Variants in CNOT6 observed in about 807,000 individuals in gnomAD.
The protein encoded by CNOT6 is carbon catabolite repression 4 protein.
A neutral mutation model predicts 61.2 loss-of-function variants in CNOT6; 12 were observed. The observed-to-expected ratio is 0.20, with a 90% CI of 0.13 to 0.32. CNOT6 has a LOEUF of 0.32. Among genes scored for constraint, CNOT6 ranks in the 10% least tolerant of loss-of-function variants. The pLI, the probability that CNOT6 is intolerant of heterozygous loss-of-function variation, is 1.00. For synonymous variants in CNOT6, 225 were observed against 240.6 expected, an observed-to-expected ratio of 0.94 and a Z score of 0.60; for missense variants, 405 against 663.9, an observed-to-expected ratio of 0.61 and a Z score of 4.28.
intron 4 of CNOT6, among the ~76,000 whole-genome samples, chr5:180,561,601 T>TA (rs1760191611): frequency 6.6e-6 from 1 of 152,176 alleles, no homozygotes; most frequent in Non-Finnish European, 1.5e-5. Context: ...TTAAACCCTT[T>TA]AGTTTGGTTT....
chr5:180,566,599 G>C (rs1760469560), intron 7 of CNOT6, among the ~76,000 whole-genome samples: 3 of 143,638 alleles, frequency 2.1e-5, no homozygotes, highest in Non-Finnish European at 3.0e-5. Context: ...ACAAGTCGCT[G>C]TTCCAGTTGG....
intron 1 of CNOT6, among the ~76,000 whole-genome samples, chr5:180,521,235 G>A (rs1041774528): frequency 1.1e-4 from 17 of 152,170 alleles, no homozygotes; most frequent in African/African-American, 4.1e-4. Context: ...CAGTTAAGAG[G>A]AAGAGGAAAG....
chr5:180,529,302 C>T lies in CNOT6; in HGVS notation c.26C>T (p.Pro9Leu), dbSNP rs75964385. The T allele has an allele frequency of 9.0e-4, 1,456 of 1,612,896 alleles. 26 individuals are homozygous for T. The East Asian group carries it at 0.024, about 26-fold the overall frequency. Residue 9 changes from proline (P) to leucine (L), a missense_variant, in exon 2 of 12, where the codon CCT (proline) becomes CTT (leucine). Transcript: ENST00000261951. ...ATGCCCAAAGAAAAATACGAGCCCCCTGACCCTCGGAGGATGTATACAATT... is the reference window on the plus strand; with the variant it reads ...ATGCCCAAAGAAAAATACGAGCCCCTTGACCCTCGGAGGATGTATACAATT... MPKEKYEP[P>L]DPRRMYTIMS... is the part of the protein sequence containing the mutation.
chr5:180,571,740 A>G (rs1319369278), intron 11 of CNOT6, among the ~76,000 whole-genome samples: 1 of 151,860 alleles, frequency 6.6e-6, no homozygotes, highest in Non-Finnish European at 1.5e-5. Flanking sequence ...TAATTCTTGT[A>G]TTTTTTGTAG....
At position 180,574,582 on chromosome 5, in the gene CNOT6, TCTTC is replaced by T; in HGVS notation, c.*384_*387del. 1 of 235,010 alleles carries T rather than the reference TCTTC, an allele frequency of 4.3e-6. No homozygotes were observed. Among genetic ancestry groups the T allele is most frequent in the South Asian group, 6.6e-5 (1 of 15,186 alleles). The allele number at this position is 235,010 out of a possible 1,614,324, so 14.6% of individuals were successfully genotyped here. On this transcript the variant is annotated 3_prime_UTR_variant, in exon 12 of 12. Transcript: ENST00000261951. ...GCCAGTAGCAACATCCAGAGATCAT[TCTTC>T]CATACTTTACTCCCTCCTTTTTCAG... is the stretch of plus-strand genomic sequence containing the variant.
At chr5:180,572,531 T>C (rs1760803082) in intron 11 of CNOT6, among the ~76,000 whole-genome samples, 1 of 152,018 alleles carries the variant, frequency 6.6e-6, no homozygotes, top group Non-Finnish European at 1.5e-5. Context: ...TTTAGGGCTG[T>C]CACTTTCTTG....
At chr5:180,499,420 A>G (rs1465168293) in intron 1 of CNOT6, among the ~76,000 whole-genome samples, 2 of 152,224 alleles carry the variant, frequency 1.3e-5, no homozygotes, top group East Asian at 3.8e-4. Context: ...TATGGGTTGT[A>G]AACATTTTGT....
At chr5:180,503,763 AC>A (rs1407668599) in intron 1 of CNOT6, among the ~76,000 whole-genome samples, 1 of 150,594 alleles carries the variant, frequency 6.6e-6, no homozygotes, top group Non-Finnish European at 1.5e-5. Context: ...GCGCCACCAC[AC>A]CCGGCTAATT....
intron 1 of CNOT6, among the ~76,000 whole-genome samples, chr5:180,511,186 A>T (rs13361838): frequency 0.35 from 52,601 of 149,972 alleles, 9,912 homozygotes; most frequent in East Asian, 0.76. Context: ...ATATAATTAA[A>T]TTTTTTGGAG....
intron 2 of CNOT6, among the ~76,000 whole-genome samples, chr5:180,536,190 G>A (rs186508118): frequency 0.018 from 2,664 of 151,258 alleles, 71 homozygotes; most frequent in African/African-American, 0.06. Context: ...TAGTAGAGAT[G>A]GGGTTTCACC....
chr5:180,569,847 A>T (rs1177164020), intron 10 of CNOT6, among the ~76,000 whole-genome samples: 1 of 152,246 alleles, frequency 6.6e-6, no homozygotes, highest in African/African-American at 2.4e-5. Context: ...TTTTATTAAA[A>T]TGTAGAATAC....
chr5:180,546,528 T>C (rs1581535905), intron 2 of CNOT6, among the ~76,000 whole-genome samples: 1 of 152,350 alleles, frequency 6.6e-6, no homozygotes, highest in East Asian at 1.9e-4. Context: ...TACACTTTTG[T>C]TTCCTCCTCC....
chr5:180,508,456 C>A (rs1340769171), intron 1 of CNOT6, among the ~76,000 whole-genome samples: 2 of 151,904 alleles, frequency 1.3e-5, no homozygotes, highest in Admixed American at 6.6e-5. Flanking sequence ...GGACTACAGG[C>A]GCACGCCACC....
At chr5:180,542,167 C>T (rs577505331) in intron 2 of CNOT6, among the ~76,000 whole-genome samples, 3 of 152,046 alleles carry the variant, frequency 2.0e-5, no homozygotes, top group African/African-American at 2.4e-5. Context: ...GATGTGTCTT[C>T]GTGTAGTTTT....
At chr5:180,559,082 A>C (rs1185884436) in intron 4 of CNOT6, among the ~76,000 whole-genome samples, 1 of 152,194 alleles carries the variant, frequency 6.6e-6, no homozygotes, top group Non-Finnish European at 1.5e-5. Context: ...ACTGGAAAAG[A>C]ATGTGTTTTC....
At position 180,560,673 on chromosome 5, in the gene CNOT6, A is replaced by G. The variant is rs138947950; in HGVS notation, c.386-3816A>G. ...TTTTTCTTTGTCTTTAGTTTTCAGA[A>G]GTTTAATTATGATGTGTCTTGCTGT... On this transcript the variant is annotated intron_variant, in intron 4 of 11. Transcript: ENST00000261951. Among the ~76,000 whole-genome samples the G allele has an allele frequency of 7.9e-5, 12 of 152,182 alleles. No individual in the cohort carries two copies. In the East Asian group the frequency reaches 2.3e-3, roughly 29 times the overall value.
At chr5:180,550,841 G>C (rs1759559629) in intron 3 of CNOT6, among the ~76,000 whole-genome samples, 1 of 152,114 alleles carries the variant, frequency 6.6e-6, no homozygotes, top group African/African-American at 2.4e-5. Flanking sequence ...GCCTGGACTT[G>C]AAGGAGCTAT....
chr5:180,565,483 AC>A (rs1760405422), intron 6 of CNOT6, among the ~76,000 whole-genome samples: 1 of 152,208 alleles, frequency 6.6e-6, no homozygotes, highest in African/African-American at 2.4e-5. Context: ...TCCACATCTT[AC>A]ATTAACAGTT....
At chr5:180,550,219 C>A in intron 3 of CNOT6, 102 bp downstream of exon 3, 1 of 834,184 alleles carries the variant, frequency 1.2e-6, no homozygotes. Context: ...TTTTGGGAGG[C>A]TGCGAGAGGA....
Sources: gnomAD v4.1 joint callset for allele counts (sites outside exome capture counted in the v4.1 genomes callset) on GRCh38, gnomAD v4.1.1 for gene constraint, MANE v1.5 for transcripts, NCBI Gene and HGNC (gene_info 2026-07-23, HGNC 2026-07-21) for gene names.